Variants in OSBPL3 observed in about 807,000 individuals in gnomAD.
OSBPL3 encodes the protein oxysterol binding protein like 3.
Under a neutral mutation model 120.1 loss-of-function variants are expected in OSBPL3, and 65 were observed. The observed-to-expected ratio is 0.54, with a 90% confidence interval of 0.44 to 0.67. OSBPL3 has a LOEUF of 0.67. Among genes scored for constraint, OSBPL3 ranks in the 30% least tolerant of loss-of-function variants. OSBPL3 has a pLI of 0.00. For missense variants in OSBPL3, 1,004 were observed against 1,082.1 expected (o/e 0.93, Z 1.01); for synonymous variants, 416 against 402.6 (o/e 1.03, Z -0.40).
chr7:24,901,411 C>T (rs1163421091), intron 1 of OSBPL3, among the ~76,000 whole-genome samples: 2 of 152,084 alleles, frequency 1.3e-5, no homozygotes, highest in Non-Finnish European at 2.9e-5. Flanking sequence ...AGATGCATTC[C>T]CTTATCCTGA....
intron 6 of OSBPL3, 77 bp from the exon 7 acceptor site, chr7:24,865,542 G>A: frequency 7.0e-7 from 1 of 1,422,518 alleles, no homozygotes; most frequent in South Asian, 1.2e-5. Context: ...AAGGATAACA[G>A]AGTGGGCTAG....
chr7:24,917,162 A>G (rs1809684180), intron 1 of OSBPL3, among the ~76,000 whole-genome samples: 1 of 151,804 alleles, frequency 6.6e-6, no homozygotes, highest in Non-Finnish European at 1.5e-5. Flanking sequence ...TATTTTGTTT[A>G]TTCTATAGCA....
At chr7:24,887,193 C>T (rs770149644) in intron 2 of OSBPL3, among the ~76,000 whole-genome samples, 1 of 152,190 alleles carries the variant, frequency 6.6e-6, no homozygotes, top group Non-Finnish European at 1.5e-5. Flanking sequence ...TGAGGAAGAA[C>T]ACTGAAGATC....
At position 24,892,452 on chromosome 7, in the gene OSBPL3, G is replaced by A; in HGVS notation, c.21C>T (p.Asn7=). 1.2e-6 allele frequency: 2 copies of A among 1,613,630 alleles called. No individual in the cohort carries two copies. Among genetic ancestry groups the A allele is most frequent in the Non-Finnish European group, 1.7e-6 (2 of 1,179,666 alleles). Residue 7 remains asparagine, a synonymous_variant, in exon 2 of 23, where the codon AAC becomes AAT. Transcript: ENST00000313367. ...ATACCAATTTTTGGGACACACCAAG[G>A]TTCTTCTCATCACTCATCATGGACA... MMSDEK[N]LGVSQKLVSP...
intron 1 of OSBPL3, among the ~76,000 whole-genome samples, chr7:24,962,307 TAAAG>T (rs1056545190): frequency 6.9e-6 from 1 of 144,870 alleles, no homozygotes; most frequent in African/African-American, 2.6e-5. Context: ...CTATCAGAAA[TAAAG>T]AAAGAAAGAC....
rs74668143 is a variant in OSBPL3, at chr7:24,922,227, C to G, written c.-149-29606G>C. Among the ~76,000 whole-genome samples, 1 of 152,170 alleles carries G rather than the reference C, an allele frequency of 6.6e-6. No individual in the cohort carries two copies. Among genetic ancestry groups the G allele is most frequent in the Non-Finnish European group, 1.5e-5 (1 of 68,028 alleles). ...ATAGAAGGTTAACAAATACAAACTA[C>G]AAGCACTGTACTATCTGGACTGTGT... On this transcript the variant is annotated intron_variant, in intron 1 of 22. Coordinates refer to ENST00000313367, the MANE Select transcript of OSBPL3 (RefSeq NM_015550.4). This position sits in a 1 kb window ranked among gnomAD's most constrained non-coding sequence, Gnocchi z 4.3.
chr7:24,829,356 C>T (rs1419101594), intron 16 of OSBPL3, among the ~76,000 whole-genome samples: 1 of 152,182 alleles, frequency 6.6e-6, no homozygotes, highest in Non-Finnish European at 1.5e-5. Context: ...TGTTTAATTT[C>T]TTGTTTTAGC....
chr7:24,952,893 T>C lies in OSBPL3; in HGVS notation c.-150+26993A>G, dbSNP rs933419714. On this transcript the variant is annotated intron_variant, in intron 1 of 22. Transcript: ENST00000313367. The surrounding 1 kb of genome is among the most constrained non-coding windows in gnomAD (Gnocchi z 4.4). ...GCCAATGCCTGTAATCTCAGCACTT[T>C]AGGGGGCAGAGGTGGTAGGATCCCT... Among the ~76,000 whole-genome samples, 2 of 152,134 alleles carry C rather than the reference T, an allele frequency of 1.3e-5. No homozygotes were observed. The highest frequency in any genetic ancestry group is 4.8e-5 in the African/African-American group (2 of 41,418).
chr7:24,945,423 T>TA (rs1562998165), intron 1 of OSBPL3, among the ~76,000 whole-genome samples: 1 of 152,250 alleles, frequency 6.6e-6, no homozygotes, highest in African/African-American at 2.4e-5. Context: ...GAATTGGAGA[T>TA]ATATCAGTGA....
chr7:24,953,119 A>T lies in OSBPL3; in HGVS notation c.-150+26767T>A, dbSNP rs1159938864. 1.3e-5 allele frequency among the ~76,000 whole-genome samples: 2 copies of T among 152,336 alleles called. No homozygotes were observed. The highest frequency in any genetic ancestry group is 3.4e-3 in the Middle Eastern group (1 of 294). On this transcript the variant is annotated intron_variant, in intron 1 of 22. Coordinates refer to ENST00000313367, the MANE Select transcript of OSBPL3 (RefSeq NM_015550.4). The surrounding 1 kb of genome is among the most constrained non-coding windows in gnomAD (Gnocchi z 4.3). The stretch of plus-strand genomic sequence containing the variant: ...ACCACTGTGCTCCAGCCTGGACGAC[A>T]GAGTGAGACCCCGTCTCTAAAAGGT...
At chr7:24,945,694 T>C (rs193042109) in intron 1 of OSBPL3, among the ~76,000 whole-genome samples, 184 of 152,346 alleles carry the variant, frequency 1.2e-3, no homozygotes, top group Admixed American at 3.4e-3. Flanking sequence ...TAGAGTCCCT[T>C]TGCAACTCAT....
rs1796356207 is a variant in OSBPL3 at position 24,831,466 on chromosome 7, C to T, written c.1747-561G>A. ...AGGATATAGTGACTTTAAAGTTCTGCTTTTTTGGGAGGAAAAGTGAAACAT... is the reference window on the plus strand; with the variant it reads ...AGGATATAGTGACTTTAAAGTTCTGTTTTTTTGGGAGGAAAAGTGAAACAT... On this transcript the variant is annotated intron_variant, in intron 15 of 22. Transcript: ENST00000313367. The surrounding 1 kb of genome is among the most constrained non-coding windows in gnomAD (Gnocchi z 4.0). Among the ~76,000 whole-genome samples the T allele has an allele frequency of 6.6e-6, 1 of 151,718 alleles. No individual in the cohort carries two copies. Among genetic ancestry groups the T allele is most frequent in the Non-Finnish European group, 1.5e-5 (1 of 67,920 alleles).
At position 24,840,767 on chromosome 7, in the gene OSBPL3, G is replaced by A; in HGVS notation, c.1418C>T (p.Ser473Leu). The change falls in exon 14 of 23, where the codon TCA (serine) becomes TTA (leucine). Residue 473 changes from serine to leucine, a missense_variant. Coordinates refer to ENST00000313367, the MANE Select transcript of OSBPL3 (RefSeq NM_015550.4). ...SSENEISDDDSYVSDISDNLS... is the reference protein window; with the variant it reads ...SSENEISDDDLYVSDISDNLS... ...ATTATCACTTATGTCACTGACATAT[G>A]AGTCATCATCAGAAATCTATGGGAA... 1.4e-6 allele frequency: 2 copies of A among 1,432,308 alleles called. No individual in the cohort carries two copies. The highest frequency in any genetic ancestry group is 1.9e-6 in the Non-Finnish European group (2 of 1,037,118). The allele number at this position is 1,432,308 out of a possible 1,614,324, so 88.7% of individuals were successfully genotyped here.
chr7:24,868,196 A>T (rs989285842), intron 5 of OSBPL3, among the ~76,000 whole-genome samples: 1 of 151,988 alleles, frequency 6.6e-6, no homozygotes, highest in Non-Finnish European at 1.5e-5. Flanking sequence ...GTGCGCCTGT[A>T]GTCTCAGCTA....
intron 14 of OSBPL3, among the ~76,000 whole-genome samples, chr7:24,839,097 G>T (rs554768651): frequency 6.6e-6 from 1 of 152,220 alleles, no homozygotes; most frequent in South Asian, 2.1e-4. Flanking sequence ...CAATTCATCC[G>T]TTCACACATA....
rs1794883128 is a variant in OSBPL3 at position 24,819,669 on chromosome 7, A to AC, written c.1948+505dup. On this transcript the variant is annotated intron_variant, in intron 17 of 22. Transcript: ENST00000313367. This position sits in a 1 kb window ranked among gnomAD's most constrained non-coding sequence, Gnocchi z 4.1. ...TGCTTATATGTTCCTTCTACAGTAC[A>AC]CTTTTTTTTAATAAATTGAGAGATT... is the stretch of plus-strand genomic sequence containing the variant. Among the ~76,000 whole-genome samples the AC allele has an allele frequency of 6.6e-6, 1 of 151,920 alleles. No homozygotes were observed. Among genetic ancestry groups the AC allele is most frequent in the Non-Finnish European group, 1.5e-5 (1 of 68,030 alleles).
At position 24,879,331 on chromosome 7, in the gene OSBPL3, G is replaced by A. The variant is rs1305805962; in HGVS notation, c.97-7262C>T. Among the ~76,000 whole-genome samples the A allele has an allele frequency of 1.3e-5, 2 of 152,196 alleles. No homozygotes were observed. Among genetic ancestry groups the A allele is most frequent in the East Asian group, 1.9e-4 (1 of 5,200 alleles). On this transcript the variant is annotated intron_variant, in intron 2 of 22. Transcript: ENST00000313367. This position sits in a 1 kb window ranked among gnomAD's most constrained non-coding sequence, Gnocchi z 5.6. ...TAAGTGAGAAGATTAAAGAAAACAG[G>A]AGACTGAGCAATGAAGCTCCCACTT...
At chr7:24,839,906 G>A (rs1226096109) in intron 14 of OSBPL3, among the ~76,000 whole-genome samples, 4 of 136,672 alleles carry the variant, frequency 2.9e-5, no homozygotes, top group South Asian at 2.4e-4. Context: ...CAGGAGAATC[G>A]CTTTAACCCG....
rs1036255979 is a variant in OSBPL3, at chr7:24,852,270, A to G, written c.1158+234T>C. 1.3e-5 allele frequency among the ~76,000 whole-genome samples: 2 copies of G among 152,244 alleles called. No homozygotes were observed. Among genetic ancestry groups the G allele is most frequent in the African/African-American group, 2.4e-5 (1 of 41,458 alleles). On this transcript the variant is annotated intron_variant, in intron 11 of 22. Coordinates refer to ENST00000313367, the MANE Select transcript of OSBPL3 (RefSeq NM_015550.4). The surrounding 1 kb of genome is among the most constrained non-coding windows in gnomAD (Gnocchi z 4.1). ...TTAGAGAAACAAAAAAATTAAGATC[A>G]GTCAGAGGAAACCAAACTTAAAGAA... is the stretch of plus-strand genomic sequence containing the variant.
Sources: gnomAD v4.1 joint callset for allele counts (sites outside exome capture counted in the v4.1 genomes callset) on GRCh38, gnomAD v4.1.1 for gene constraint, Gnocchi (gnomAD v3.1) non-coding constraint, MANE v1.5 for transcripts, NCBI Gene and HGNC (gene_info 2026-07-23, HGNC 2026-07-21) for gene names.